Variants in DHX38 observed in about 807,000 individuals in gnomAD.
DHX38 encodes the protein pre-mRNA-splicing factor ATP-dependent RNA helicase PRP16.
In DHX38, 100 loss-of-function variants were observed where a neutral mutation model predicts 153.1. The observed-to-expected ratio is 0.65, with a 90% CI of 0.56 to 0.77. The LOEUF (loss-of-function observed/expected upper bound fraction) is 0.77. Ranked by LOEUF, DHX38 falls within the 30% of genes least tolerant of loss-of-function variation. DHX38 has a pLI of 0.00. For missense variants in DHX38, 1,440 were observed against 1,654.0 expected (o/e 0.87, Z 2.24); for synonymous variants, 650 against 631.7 (o/e 1.03, Z -0.43).
chr16:72,112,395 C>G lies in DHX38; in HGVS notation c.3600-18C>G. The G allele has an allele frequency of 6.2e-7, 1 of 1,605,278 alleles. No homozygotes were observed. Among genetic ancestry groups the G allele is most frequent in the Non-Finnish European group, 8.5e-7 (1 of 1,179,392 alleles). On this transcript the variant is annotated intron_variant, in intron 26 of 26. Coordinates refer to ENST00000268482, the MANE Select transcript of DHX38 (RefSeq NM_014003.4). ...GTGAGGGCACGGTGTTTCCTGATCT[C>G]TCCTGCTGTGTCTCCAGGTCTACGA...
intron 26 of DHX38, among the ~76,000 whole-genome samples, chr16:72,111,646 G>T (rs2042258143): frequency 6.6e-6 from 1 of 152,236 alleles, no homozygotes. Context: ...GAGATGCATA[G>T]AGCAAGGTCT....
intron 25 of DHX38, among the ~76,000 whole-genome samples, 173 bp from the exon 26 acceptor site, chr16:72,110,783 A>G (rs1248231283): frequency 1.3e-5 from 2 of 152,170 alleles, no homozygotes; most frequent in Admixed American, 1.3e-4. Context: ...CAGTGAAAAA[A>G]GCAGGCCTCA....
At position 72,107,824 on chromosome 16, in the gene DHX38, TC is replaced by T; in HGVS notation, c.2964+29del. On this transcript the variant is annotated intron_variant, in intron 21 of 26. Coordinates refer to ENST00000268482, the MANE Select transcript of DHX38 (RefSeq NM_014003.4). The surrounding 1 kb of genome is among the most constrained non-coding windows in gnomAD (Gnocchi z 5.3). ...GGTGGGGCAGCGGCTGGCTCCCCTC[TC>T]CCCGGAGGGCTCGAGGAAGTGTTGG... The T allele has an allele frequency of 6.2e-7, 1 of 1,608,518 alleles. No individual in the cohort carries two copies.
intron 19 of DHX38, among the ~76,000 whole-genome samples, 196 bp downstream of exon 19, chr16:72,106,313 A>C (rs1201305863): frequency 6.6e-6 from 1 of 152,216 alleles, no homozygotes. Flanking sequence ...GGGATTTCAG[A>C]GGTCTGAGGC....
rs186222873 is a variant in DHX38, at chr16:72,098,505, G to A, written c.617-140G>A. The A allele has an allele frequency of 4.9e-5, 54 of 1,112,540 alleles. No individual in the cohort carries two copies. In the Admixed American group the frequency reaches 6.7e-4, roughly 14 times the overall value. 68.9% of individuals were successfully genotyped at this position (1,112,540 alleles called of 1,614,324 possible). On this transcript the variant is annotated intron_variant, in intron 4 of 26. Transcript: ENST00000268482. Reference sequence around the variant, plus strand: ...GATATCTTTAAAAACTGTCAAAACCGATCTTAACCGTTATAGATACATGCA... The same window carrying A: ...GATATCTTTAAAAACTGTCAAAACCAATCTTAACCGTTATAGATACATGCA...
At chr16:72,096,681 T>C in intron 2 of DHX38, 141 bp from the exon 3 acceptor site, 1 of 1,488,088 alleles carries the variant, frequency 6.7e-7, no homozygotes, top group Non-Finnish European at 9.0e-7. Flanking sequence ...TAGAAATGCC[T>C]TGGGTTGTTG....
Position 72,111,025 on chromosome 16 carries a change from C to T in DHX38, c.3547C>T (p.Leu1183=), listed in dbSNP as rs747640626. Residue 1183 remains leucine, a synonymous_variant, in exon 26 of 27, where the codon CTG becomes TTG. Transcript: ENST00000268482. ...GGAGATGGCGCTGGCCGAGGAGCAG[C>T]TGCGAGCCCGGCGGCAGGAGCAGGA... is the stretch of plus-strand genomic sequence containing the variant. ...EEEMALAEEQ[L]RARRQEQEKR... 6.3e-7 allele frequency: 1 copy of T among 1,583,646 alleles called. No homozygotes were observed. The highest frequency in any genetic ancestry group is 1.2e-5 in the South Asian group (1 of 86,556).
In DHX38 at chr16:72,104,173, G is replaced by A; in HGVS notation, c.2010+42G>A. On this transcript the variant is annotated intron_variant, in intron 14 of 26. Coordinates refer to ENST00000268482, the MANE Select transcript of DHX38 (RefSeq NM_014003.4). This position sits in a 1 kb window ranked among gnomAD's most constrained non-coding sequence, Gnocchi z 4.5. ...TTGGTCTCTCTGCGCATGGGGTGTT[G>A]ACCAGTGCACCACCAGTAGCTAGTG... 6.3e-7 allele frequency: 1 copy of A among 1,599,962 alleles called. No individual in the cohort carries two copies. Among genetic ancestry groups the A allele is most frequent in the Non-Finnish European group, 8.5e-7 (1 of 1,170,516 alleles).
chr16:72,097,676 G>C lies in DHX38; in HGVS notation c.512-1G>C. 6.2e-7 allele frequency: 1 copy of C among 1,613,700 alleles called. No individual in the cohort carries two copies. Among genetic ancestry groups the C allele is most frequent in the Non-Finnish European group, 8.5e-7 (1 of 1,179,754 alleles). On this transcript the variant is annotated splice_acceptor_variant, in intron 3 of 26. Coordinates refer to ENST00000268482, the MANE Select transcript of DHX38 (RefSeq NM_014003.4). LOFTEE classifies it high-confidence loss of function. ...TTTAAGCTTCGTGTGACTCTTCATA[G>C]ATGAGCGGGATAGAAGTAGGCACAG...
chr16:72,097,877 C>G (rs887548021), intron 4 of DHX38, 96 bp downstream of exon 4: 1 of 1,180,988 alleles, frequency 8.5e-7, no homozygotes, highest in Non-Finnish European at 1.2e-6. Context: ...GGCATTGAGT[C>G]AGAATTCCCG....
At chr16:72,109,312 GC>G in intron 24 of DHX38, 102 bp from the exon 25 acceptor site, 1 of 1,290,770 alleles carries the variant, frequency 7.7e-7, no homozygotes, top group Non-Finnish European at 1.1e-6. Context: ...GCCTTGCAGG[GC>G]CAGGGATTGG....
Position 72,112,481 on chromosome 16 carries a change from C to G in DHX38, c.3668C>G (p.Ala1223Gly). 6.2e-7 allele frequency: 1 copy of G among 1,612,230 alleles called. No individual in the cohort carries two copies. Among genetic ancestry groups the G allele is most frequent in the Non-Finnish European group, 8.5e-7 (1 of 1,180,032 alleles). ...CCCATGACCCCTCGCCGCACGCCAG[C>G]CCGCTTTGGTCTGTGAGCTGAGGCT... is the stretch of plus-strand genomic sequence containing the variant. ...GEPMTPRRTP[A>G]RFGL Residue 1223 changes from alanine (A) to glycine (G), a missense_variant, in exon 27 of 27, where the codon GCC becomes GGC. Physicochemically the swap from Ala to Gly is moderately conservative, Grantham distance 60. This residue lies in a region of DHX38 where 75 missense variants were observed against 69.5 expected (regional missense o/e 1.08). Transcript: ENST00000268482.
At chr16:72,097,853 A>G in intron 4 of DHX38, 72 bp downstream of exon 4, 1 of 1,375,586 alleles carries the variant, frequency 7.3e-7, no homozygotes, top group Non-Finnish European at 1.0e-6. Flanking sequence ...TCTCGTCTTC[A>G]GTGAGATTGC....
intron 8 of DHX38, 146 bp downstream of exon 8, chr16:72,100,033 G>C (rs2042079440): frequency 9.0e-7 from 1 of 1,115,326 alleles, no homozygotes; most frequent in Non-Finnish European, 1.3e-6. Flanking sequence ...AAGAGGAGTG[G>C]GTGATGAGCC....
intron 12 of DHX38, 127 bp downstream of exon 12, chr16:72,103,338 C>G (rs565047816): frequency 7.7e-7 from 1 of 1,306,076 alleles, no homozygotes; most frequent in Non-Finnish European, 1.0e-6. Flanking sequence ...CTTTTTTCCT[C>G]TGACCTCATG....
chr16:72,106,942 G>T (rs547245266), intron 19 of DHX38, among the ~76,000 whole-genome samples: 9 of 152,166 alleles, frequency 5.9e-5, no homozygotes, highest in Admixed American at 3.9e-4. Flanking sequence ...AGGCCGAGGC[G>T]GGCCGATCAC....
Position 72,096,842 on chromosome 16 carries a change from T to C in DHX38, c.344T>C (p.Val115Ala). 1 of 1,613,582 alleles carries C rather than the reference T, an allele frequency of 6.2e-7. No homozygotes were observed. The highest frequency in any genetic ancestry group is 8.5e-7 in the Non-Finnish European group (1 of 1,179,830). The part of the protein sequence containing the change: ...RKDRHYRSAR[V>A]ETPSHPGGVS... ...TTCAGACATTATCGGTCTGCTCGGG[T>C]AGAGACTCCATCCCATCCGGGTGGT... The change falls in exon 3 of 27, where the codon GTA becomes GCA. Residue 115 changes from valine (V) to alanine (A), a missense_variant. Physicochemically the swap from Val to Ala is moderately conservative, Grantham distance 64. This residue lies in a region of DHX38 where 483 missense variants were observed against 465.1 expected (regional missense o/e 1.04). Coordinates refer to ENST00000268482, the MANE Select transcript of DHX38 (RefSeq NM_014003.4).
Position 72,109,529 on chromosome 16 carries a change from T to C in DHX38, c.3477+19T>C, listed in dbSNP as rs756127761. 6.2e-7 allele frequency: 1 copy of C among 1,601,642 alleles called. No individual in the cohort carries two copies. Among genetic ancestry groups the C allele is most frequent in the Non-Finnish European group, 8.5e-7 (1 of 1,174,274 alleles). Reference sequence around the variant, plus strand: ...ACGGCAGGTGAGGATTCTGTGCTCTTCGCAGGGGTGCTGTTTGCCTGTGGG... The same window carrying C: ...ACGGCAGGTGAGGATTCTGTGCTCTCCGCAGGGGTGCTGTTTGCCTGTGGG... On this transcript the variant is annotated intron_variant, in intron 25 of 26. Coordinates refer to ENST00000268482, the MANE Select transcript of DHX38 (RefSeq NM_014003.4).
At chr16:72,096,643 A>C (rs2042022966) in intron 2 of DHX38, among the ~76,000 whole-genome samples, 163 bp downstream of exon 2, 1 of 152,230 alleles carries the variant, frequency 6.6e-6, no homozygotes, top group Non-Finnish European at 1.5e-5. Context: ...GGAAAAACAA[A>C]GGTGAATAAA....
Sources: allele counts gnomAD v4.1 joint callset (sites outside exome capture counted in the v4.1 genomes callset), GRCh38; gene constraint gnomAD v4.1.1; regional missense constraint gnomAD v4.1.1; non-coding constraint Gnocchi (gnomAD v3.1); transcripts MANE v1.5; gene names NCBI Gene and HGNC (gene_info 2026-07-23, HGNC 2026-07-21).